BTC: variants seen among roughly 807,000 people sequenced by gnomAD.
BTC encodes probetacellulin.
In BTC, 13 loss-of-function variants were observed where a neutral mutation model predicts 18.1. The ratio of observed to expected loss-of-function variants is 0.72; its 90% CI spans 0.47 to 1.14. BTC has a LOEUF of 1.14. Among genes scored for constraint, BTC ranks in the 50% most tolerant of loss-of-function variants. The pLI is 0.00. For synonymous variants in BTC, 83 were observed against 79.4 expected, an observed-to-expected ratio of 1.05 and a Z score of -0.24; for missense variants, 247 against 224.2, an observed-to-expected ratio of 1.10 and a Z score of -0.65.
At chr4:74,762,647 A>G (rs1724791611) in intron 2 of BTC, among the ~76,000 whole-genome samples, 1 of 152,104 alleles carries the variant, frequency 6.6e-6, no homozygotes, top group South Asian at 2.1e-4. Context: ...AAGAGGGTGG[A>G]AAGGGGAAAA....
intron 1 of BTC, among the ~76,000 whole-genome samples, chr4:74,782,332 G>A (rs575207109): frequency 1.2e-3 from 181 of 152,116 alleles, no homozygotes; most frequent in African/African-American, 3.1e-3. Flanking sequence ...TTCAGCTCCC[G>A]CTTATAAGTG....
intron 1 of BTC, among the ~76,000 whole-genome samples, chr4:74,780,896 CTTTT>C (rs779129954): frequency 1.0e-5 from 1 of 98,938 alleles, no homozygotes; most frequent in South Asian, 3.3e-4. Flanking sequence ...CTGAGAGTTT[CTTTT>C]TTTTTTTTTA....
chr4:74,783,661 T>C (rs1725399038), intron 1 of BTC, among the ~76,000 whole-genome samples: 1 of 147,726 alleles, frequency 6.8e-6, no homozygotes, highest in Non-Finnish European at 1.5e-5. Flanking sequence ...AGAATGTCAA[T>C]GGTAGTTTAA....
chr4:74,792,530 C>A (rs1252570492), intron 1 of BTC, among the ~76,000 whole-genome samples: 2 of 152,160 alleles, frequency 1.3e-5, no homozygotes, highest in Admixed American at 1.3e-4. Flanking sequence ...ACCTTTAAAC[C>A]ATTGTTTGCA....
At chr4:74,768,752 A>G (rs1033399525) in intron 2 of BTC, among the ~76,000 whole-genome samples, 1 of 152,214 alleles carries the variant, frequency 6.6e-6, no homozygotes, top group Non-Finnish European at 1.5e-5. Context: ...TCTTACTACA[A>G]TAAAAATAAA....
intron 2 of BTC, among the ~76,000 whole-genome samples, chr4:74,763,763 A>T (rs1436831675): frequency 6.6e-6 from 1 of 152,136 alleles, no homozygotes; most frequent in African/African-American, 2.4e-5. Flanking sequence ...AGATAGGAGA[A>T]ATAAAGTTCT....
intron 1 of BTC, among the ~76,000 whole-genome samples, 154 bp from the exon 2 acceptor site, chr4:74,770,310 C>G (rs923103043): frequency 1.3e-5 from 2 of 152,170 alleles, no homozygotes; most frequent in African/African-American, 2.4e-5. Context: ...GATACAGAGG[C>G]CAGCATGCTG....
At chr4:74,784,374 T>G (rs1725421650) in intron 1 of BTC, among the ~76,000 whole-genome samples, 1 of 152,194 alleles carries the variant, frequency 6.6e-6, no homozygotes, top group South Asian at 2.1e-4. Flanking sequence ...TCCTGTCATC[T>G]GCAAACAAAG....
chr4:74,784,563 G>T (rs1172069589), intron 1 of BTC, among the ~76,000 whole-genome samples: 1 of 152,114 alleles, frequency 6.6e-6, no homozygotes, highest in Non-Finnish European at 1.5e-5. Flanking sequence ...CTGTGGGTTT[G>T]TCATATATGG....
intron 2 of BTC, among the ~76,000 whole-genome samples, chr4:74,762,635 GA>G (rs1268644824): frequency 6.6e-6 from 1 of 152,044 alleles, no homozygotes; most frequent in Admixed American, 6.6e-5. Context: ...AGGAGAATGA[GA>G]AAGAGGGTGG....
intron 2 of BTC, among the ~76,000 whole-genome samples, chr4:74,758,692 A>C (rs1176280446): frequency 3.3e-5 from 5 of 152,208 alleles, no homozygotes; most frequent in Non-Finnish European, 7.3e-5. Context: ...GCAGCTGCTG[A>C]ATGCAGTGAT....
chr4:74,792,076 T>C (rs1725648729), intron 1 of BTC, among the ~76,000 whole-genome samples: 1 of 151,804 alleles, frequency 6.6e-6, no homozygotes, highest in South Asian at 2.1e-4. Context: ...ACATGTGACA[T>C]AATTTAGGAA....
chr4:74,786,981 T>A (rs577583023), intron 1 of BTC, among the ~76,000 whole-genome samples: 10 of 152,164 alleles, frequency 6.6e-5, no homozygotes, highest in Non-Finnish European at 1.3e-4. Context: ...TTTTTTTTTT[T>A]TACTTAACCT....
intron 4 of BTC, among the ~76,000 whole-genome samples, chr4:74,748,404 T>C (rs551349750): frequency 1.8e-4 from 28 of 152,062 alleles, no homozygotes; most frequent in East Asian, 3.9e-4. Context: ...GACGTGGTGG[T>C]GGGCGCCTGT....
At chr4:74,758,236 A>G (rs1724655717) in intron 2 of BTC, among the ~76,000 whole-genome samples, 1 of 152,248 alleles carries the variant, frequency 6.6e-6, no homozygotes, top group Non-Finnish European at 1.5e-5. Context: ...TGAAAGTTAG[A>G]AATCTCAGAT....
chr4:74,775,933 C>T (rs997193708), intron 1 of BTC, among the ~76,000 whole-genome samples: 5 of 152,108 alleles, frequency 3.3e-5, no homozygotes, highest in Non-Finnish European at 7.3e-5. Flanking sequence ...TCGTCCTGTC[C>T]TAAATGCAAA....
At chr4:74,760,858 C>T (rs1724736944) in intron 2 of BTC, among the ~76,000 whole-genome samples, 1 of 152,066 alleles carries the variant, frequency 6.6e-6, no homozygotes, top group African/African-American at 2.4e-5. Flanking sequence ...CCTCAGCCTC[C>T]TGAGTAGCTG....
chr4:74,751,461 C>T (rs1301689536), intron 3 of BTC, among the ~76,000 whole-genome samples: 1 of 152,118 alleles, frequency 6.6e-6, no homozygotes, highest in Non-Finnish European at 1.5e-5. Context: ...GTTCACCGTT[C>T]CCTTCACTCT....
At chr4:74,781,934 T>C (rs1424768165) in intron 1 of BTC, among the ~76,000 whole-genome samples, 2 of 152,088 alleles carry the variant, frequency 1.3e-5, no homozygotes, top group Non-Finnish European at 2.9e-5. Flanking sequence ...GTCACAGACA[T>C]GACCAAAAAA....
Sources: gnomAD v4.1 joint callset for allele counts (sites outside exome capture counted in the v4.1 genomes callset) on GRCh38, gnomAD v4.1.1 for gene constraint, MANE v1.5 for transcripts, NCBI Gene and HGNC (gene_info 2026-07-23, HGNC 2026-07-21) for gene names.